QRFP: variants seen among roughly 807,000 people sequenced by gnomAD.
QRFP encodes pyroglutamylated RFamide peptide, also known as orexigenic neuropeptide QRFP.
A neutral mutation model predicts 9.1 loss-of-function variants in QRFP; 7 were observed. The ratio of observed to expected loss-of-function variants is 0.77; its 90% CI spans 0.44 to 1.45. QRFP has a LOEUF of 1.45. Among genes scored for constraint, QRFP ranks in the 40% most tolerant of loss-of-function variants. The probability of loss-of-function intolerance (pLI) is 0.01; values close to 1 mark genes in which losing one functional copy is unlikely to be tolerated. For missense variants in QRFP, 204 were observed against 185.4 expected (o/e 1.10, Z -0.58); for synonymous variants, 91 against 80.2 (o/e 1.13, Z -0.72).
chr9:130,893,959 C>A (rs370032982), intron 2 of QRFP, 121 bp from the exon 3 acceptor site: 1 of 932,364 alleles, frequency 1.1e-6, no homozygotes, highest in African/African-American at 1.7e-5. Flanking sequence ...CAGCTGAGCC[C>A]GGCTTCCGAG....
Position 130,893,512 on chromosome 9 carries a change from G to A in QRFP, c.327C>T (p.Ser109=), listed in dbSNP as rs376613837. The change falls in exon 3 of 3, where the codon AGC becomes AGT. Residue 109 remains serine, a synonymous_variant. Transcript: ENST00000623824. ...GFLPAAGEKT[S]GPLGNLAEEL... Reference sequence around the variant, plus strand: ...CCTCAGCCAGGTTCCCTAACGGGCCGCTGGTCTTCTCCCCCGCAGCAGGGA... The same window carrying A: ...CCTCAGCCAGGTTCCCTAACGGGCCACTGGTCTTCTCCCCCGCAGCAGGGA... 2.1e-5 allele frequency: 34 copies of A among 1,611,654 alleles called. No homozygotes were observed. The highest frequency in any genetic ancestry group is 1.2e-4 in the African/African-American group (9 of 74,900).
At chr9:130,896,024 G>C (rs1831752836) in intron 1 of QRFP, 43 bp from the exon 2 acceptor site, 1 of 152,210 alleles carries the variant, frequency 6.6e-6, no homozygotes, top group South Asian at 2.1e-4. Flanking sequence ...CAAATTGCGG[G>C]CACAGACCCT....
intron 2 of QRFP, among the ~76,000 whole-genome samples, chr9:130,894,157 T>C (rs932690203): frequency 6.6e-6 from 1 of 152,180 alleles, no homozygotes; most frequent in Admixed American, 6.5e-5. Context: ...TATGCTCATT[T>C]TTCTCTTATT....
Position 130,893,526 on chromosome 9 carries a change from C to A in QRFP, c.313G>T (p.Gly105Trp). The change falls in exon 3 of 3, where the codon GGG becomes TGG. Residue 105 changes from glycine (G) to tryptophan (W), a missense_variant. Coordinates refer to ENST00000623824, the MANE Select transcript of QRFP (RefSeq NM_198180.3). ...SEATGFLPAAGEKTSGPLGNL... is the reference protein window; with the variant it reads ...SEATGFLPAAWEKTSGPLGNL... Reference sequence around the variant, plus strand: ...CCTAACGGGCCGCTGGTCTTCTCCCCCGCAGCAGGGAGGAAGCCGGTGGCC... The same window carrying A: ...CCTAACGGGCCGCTGGTCTTCTCCCACGCAGCAGGGAGGAAGCCGGTGGCC... 6.2e-7 allele frequency: 1 copy of A among 1,612,564 alleles called. No homozygotes were observed. The highest frequency in any genetic ancestry group is 1.1e-5 in the South Asian group (1 of 91,008).
chr9:130,894,649 C>T (rs1192119003), intron 2 of QRFP, among the ~76,000 whole-genome samples: 1 of 152,170 alleles, frequency 6.6e-6, no homozygotes, highest in Admixed American at 6.5e-5. Flanking sequence ...CCTCCTATTT[C>T]ACAGGGGTGG....
intron 2 of QRFP, among the ~76,000 whole-genome samples, chr9:130,894,765 G>A (rs922524747): frequency 3.3e-5 from 5 of 152,092 alleles, no homozygotes; most frequent in East Asian, 1.9e-4. Context: ...TCAGGAAGGC[G>A]TGCCCTAACT....
rs371943337 is a variant in QRFP, at chr9:130,893,594, G to A, written c.245C>T (p.Ala82Val). 3.0e-5 allele frequency: 48 copies of A among 1,612,516 alleles called. No individual in the cohort carries two copies. The African/African-American group carries it at 5.5e-4, about 18-fold the overall frequency. The change falls in exon 3 of 3, where the codon GCT (alanine) becomes GTT (valine). Residue 82 changes from alanine to valine, a missense_variant. Ala to Val is a moderately conservative substitution (Grantham distance 64). Transcript: ENST00000623824. ...RGLQTSGREH[A>V]GCRFRFGRQD... is the part of the protein sequence containing the mutation. ...CCTCCCGAAGCGGAATCTGCAGCCA[G>A]CATGCTCTCTGCCCGATGTCTGCAG...
At position 130,896,710 on chromosome 9, in the gene QRFP, G is replaced by A. The variant is rs1376568669; in HGVS notation, c.-419C>T. On this transcript the variant is annotated 5_prime_UTR_variant, in exon 1 of 3. Coordinates refer to ENST00000623824, the MANE Select transcript of QRFP (RefSeq NM_198180.3). ...GCTGAGCGCCCAGGTTCGGGCGGAGGGTCTGCGGATTGAAGCCGATGACTG... is the reference window on the plus strand; with the variant it reads ...GCTGAGCGCCCAGGTTCGGGCGGAGAGTCTGCGGATTGAAGCCGATGACTG... The A allele has an allele frequency of 6.6e-6, 1 of 152,270 alleles. No homozygotes were observed. The highest frequency in any genetic ancestry group is 6.5e-5 in the Admixed American group (1 of 15,276). 9.4% of individuals were successfully genotyped at this position (152,270 alleles called of 1,614,324 possible).
Position 130,893,485 on chromosome 9 carries a change from C to A in QRFP, c.354G>T (p.Glu118Asp), listed in dbSNP as rs373029065. Residue 118 changes from glutamate to aspartate, a missense_variant, in exon 3 of 3, where the codon GAG becomes GAT. By Grantham distance (45) the Glu-to-Asp change is conservative (BLOSUM62 2). Transcript: ENST00000623824. ...TSGPLGNLAE[E>D]LNGYSRKKGG... ...CTTTCTTCCTGCTGTAGCCATTGAG[C>A]TCCTCAGCCAGGTTCCCTAACGGGC... 7.5e-6 allele frequency: 12 copies of A among 1,605,480 alleles called. No individual in the cohort carries two copies. The highest frequency in any genetic ancestry group is 9.4e-6 in the Non-Finnish European group (11 of 1,174,390).
intron 2 of QRFP, among the ~76,000 whole-genome samples, chr9:130,894,259 C>G (rs1248220660): frequency 6.6e-6 from 1 of 152,250 alleles, no homozygotes; most frequent in Non-Finnish European, 1.5e-5. Flanking sequence ...ATGGGTCTAG[C>G]TATGCTGTTT....
chr9:130,893,331 T>G lies in QRFP; in HGVS notation c.*97A>C. On this transcript the variant is annotated 3_prime_UTR_variant, in exon 3 of 3. Transcript: ENST00000623824. ...GTTCATCGTAACCAAGCCTACATCATCTGGGTGTCGTGGTCTTTGAGACTG... is the reference window on the plus strand; with the variant it reads ...GTTCATCGTAACCAAGCCTACATCAGCTGGGTGTCGTGGTCTTTGAGACTG... 1 of 1,267,796 alleles carries G rather than the reference T, an allele frequency of 7.9e-7. No homozygotes were observed. Among genetic ancestry groups the G allele is most frequent in the Non-Finnish European group, 1.1e-6 (1 of 913,484 alleles). 78.5% of individuals were successfully genotyped at this position (1,267,796 alleles called of 1,614,324 possible).
At position 130,892,752 on chromosome 9, in the gene QRFP, A is replaced by G. The variant is rs1831699372; in HGVS notation, c.*676T>C. The G allele has an allele frequency of 6.6e-6, 1 of 152,114 alleles. No individual in the cohort carries two copies. The highest frequency in any genetic ancestry group is 1.5e-5 in the Non-Finnish European group (1 of 68,034). The allele number at this position is 152,114 out of a possible 1,614,324, so 9.4% of individuals were successfully genotyped here. On this transcript the variant is annotated 3_prime_UTR_variant, in exon 3 of 3. Coordinates refer to ENST00000623824, the MANE Select transcript of QRFP (RefSeq NM_198180.3). ...TTATTTGAAAAGATACACACGACAT[A>G]TTCTGATTTTGAACATGTGAAATGC...
rs1158431720 is a variant in QRFP, at chr9:130,896,467, C to G, written c.-286+110G>C. On this transcript the variant is annotated intron_variant, in intron 1 of 2. Transcript: ENST00000623824. ...GCTCCTTGCCCGGCAGAGATTCTCC[C>G]TCCACTGAGAGCAGGCAGGGGGGTG... 3 of 152,412 alleles carry G rather than the reference C, an allele frequency of 2.0e-5. No homozygotes were observed. In the East Asian group the frequency reaches 5.8e-4, roughly 29 times the overall value. 9.4% of individuals were successfully genotyped at this position (152,412 alleles called of 1,614,324 possible). A position where few individuals can be genotyped will look rare whatever the true frequency, so the allele number is the denominator to read the frequency against.
At chr9:130,895,369 C>G (rs149016520) in intron 2 of QRFP, among the ~76,000 whole-genome samples, 2,386 of 152,342 alleles carry the variant, frequency 0.016, 58 homozygotes, top group Middle Eastern at 0.078. Flanking sequence ...CCCTTCACCC[C>G]TTTTAGGGGT....
rs376865219 is a variant in QRFP at position 130,893,752 on chromosome 9, G to A, written c.87C>T (p.Asp29=). 2.9e-5 allele frequency: 46 copies of A among 1,608,740 alleles called. No homozygotes were observed. Among genetic ancestry groups the A allele is most frequent in the East Asian group, 2.0e-4 (9 of 44,770 alleles). ...FPLLDRREPT[D]AMGGLGAGER... is the part of the protein sequence containing the mutation. The stretch of plus-strand genomic sequence containing the variant: ...CTCCAGCTCCGAGGCCACCCATGGC[G>A]TCTGTGGGCTCTCTTCTGTCCAGTA... The change falls in exon 3 of 3, where the codon GAC becomes GAT. Residue 29 remains aspartate, a synonymous_variant. Transcript: ENST00000623824.
chr9:130,893,056 C>T lies in QRFP; in HGVS notation c.*372G>A, dbSNP rs1480750445. ...GTCGTGCCTATAGAGACTGTCACAACTTTGATTACCCAACTGTAAGCACTC... is the reference window on the plus strand; with the variant it reads ...GTCGTGCCTATAGAGACTGTCACAATTTTGATTACCCAACTGTAAGCACTC... On this transcript the variant is annotated 3_prime_UTR_variant, in exon 3 of 3. Coordinates refer to ENST00000623824, the MANE Select transcript of QRFP (RefSeq NM_198180.3). The T allele has an allele frequency of 1.1e-5, 2 of 182,714 alleles. No homozygotes were observed. The highest frequency in any genetic ancestry group is 4.7e-5 in the African/African-American group (2 of 42,508). The allele number at this position is 182,714 out of a possible 1,614,324, so 11.3% of individuals were successfully genotyped here. A position where few individuals can be genotyped will look rare whatever the true frequency, so the allele number is the denominator to read the frequency against.
At position 130,896,558 on chromosome 9, in the gene QRFP, C is replaced by T. The variant is rs1476134795; in HGVS notation, c.-286+19G>A. ...AGAGGGCCTCCCCCATTCCAGGGGCCCTCACCCAGCCGACCTACCCCTGCA... is the reference window on the plus strand; with the variant it reads ...AGAGGGCCTCCCCCATTCCAGGGGCTCTCACCCAGCCGACCTACCCCTGCA... On this transcript the variant is annotated intron_variant, in intron 1 of 2. Transcript: ENST00000623824. The T allele has an allele frequency of 6.6e-6, 1 of 152,294 alleles. No homozygotes were observed. Among genetic ancestry groups the T allele is most frequent in the African/African-American group, 2.4e-5 (1 of 41,454 alleles). 9.4% of individuals were successfully genotyped at this position (152,294 alleles called of 1,614,324 possible).
chr9:130,896,188 G>A (rs536626314), intron 1 of QRFP, among the ~76,000 whole-genome samples: 2 of 152,314 alleles, frequency 1.3e-5, no homozygotes, highest in Non-Finnish European at 2.9e-5. Context: ...TCATGGGCAG[G>A]AAAGCCACAG....
At chr9:130,894,084 G>A (rs768198903) in intron 2 of QRFP, among the ~76,000 whole-genome samples, 1 of 152,250 alleles carries the variant, frequency 6.6e-6, no homozygotes, top group African/African-American at 2.4e-5. Context: ...GCTTAGCACC[G>A]TAAATCCACC....
Sources: allele counts gnomAD v4.1 joint callset (sites outside exome capture counted in the v4.1 genomes callset), GRCh38; gene constraint gnomAD v4.1.1; transcripts MANE v1.5; gene names NCBI Gene and HGNC (gene_info 2026-07-23, HGNC 2026-07-21).